KIT: variants seen among roughly 807,000 people sequenced by gnomAD.
KIT encodes KIT proto-oncogene, receptor tyrosine kinase, also known as mast/stem cell growth factor receptor Kit.
A neutral mutation model predicts 105.7 loss-of-function variants in KIT; 16 were observed. The observed-to-expected ratio is 0.15, with a 90% CI of 0.10 to 0.23. KIT has a LOEUF of 0.23. Ranked by LOEUF, KIT falls within the 10% of genes least tolerant of loss-of-function variation. The pLI is 1.00. For synonymous variants in KIT, 438 were observed against 441.1 expected, an observed-to-expected ratio of 0.99 and a Z score of 0.09; for missense variants, 858 against 1,213.8, an observed-to-expected ratio of 0.71 and a Z score of 4.36.
intron 7 of KIT, among the ~76,000 whole-genome samples, chr4:54,710,795 C>T (rs1180932311): frequency 6.6e-6 from 1 of 152,176 alleles, no homozygotes; most frequent in Non-Finnish European, 1.5e-5. Flanking sequence ...CCTGCTTCAG[C>T]CTCCCAAAGT....
At chr4:54,710,567 CAG>C (rs1253601726) in intron 7 of KIT, among the ~76,000 whole-genome samples, 6 of 150,248 alleles carry the variant, frequency 4.0e-5, no homozygotes, top group African/African-American at 1.5e-4. Flanking sequence ...GTTTTTGAGA[CAG>C]AGTCTCTCAC....
At chr4:54,723,438 C>G (rs1299182416) in intron 7 of KIT, 146 bp from the exon 8 acceptor site, 1 of 692,376 alleles carries the variant, frequency 1.4e-6, no homozygotes. Context: ...ACCTTCCACT[C>G]CTTGGTTCAG....
intron 1 of KIT, among the ~76,000 whole-genome samples, chr4:54,671,374 G>A (rs560120413): frequency 3.7e-4 from 56 of 152,160 alleles, no homozygotes; most frequent in Non-Finnish European, 6.8e-4. Flanking sequence ...CTTGGAATAT[G>A]GGCAGGAAGG....
At position 54,695,608 on chromosome 4, in the gene KIT, G is replaced by A. The variant is rs1720008828; in HGVS notation, c.164G>A (p.Arg55Lys). ...DLIVRVGDEI[R>K]LLCTDPGFVK... ...ATAGTCCGCGTGGGCGACGAGATTA[G>A]GCTGTTATGCACTGATCCGGGCTTT... Residue 55 changes from arginine to lysine, a missense_variant, in exon 2 of 21, where the codon AGG (arginine) becomes AAG (lysine). By Grantham distance (26) the Arg-to-Lys change is conservative. Around this residue, in one of 7 missense-constraint regions of KIT, gnomAD observed 401 missense variants for 601.0 expected, o/e 0.67. Coordinates refer to ENST00000288135, the MANE Select transcript of KIT (RefSeq NM_000222.3). 2 of 1,614,224 alleles carry A rather than the reference G, an allele frequency of 1.2e-6. No homozygotes were observed. The highest frequency in any genetic ancestry group is 3.3e-5 in the Admixed American group (2 of 60,024).
intron 17 of KIT, among the ~76,000 whole-genome samples, chr4:54,735,366 C>CAAAAAAAAAAAA (rs60429188): frequency 1.2e-5 from 1 of 86,266 alleles, no homozygotes; most frequent in African/African-American, 3.4e-5. Flanking sequence ...ACTTTAACAC[C>CAAAAAAAAAAAA]AAAAAAAAAA....
intron 1 of KIT, among the ~76,000 whole-genome samples, chr4:54,672,021 A>G (rs1393282955): frequency 1.3e-5 from 2 of 152,218 alleles, no homozygotes; most frequent in African/African-American, 4.8e-5. Flanking sequence ...ATATAATTAC[A>G]TAATGTCATT....
intron 2 of KIT, 163 bp downstream of exon 2, chr4:54,695,944 A>C (rs1379779180): frequency 1.3e-6 from 1 of 788,912 alleles, no homozygotes; most frequent in Non-Finnish European, 2.0e-6. Context: ...ATCTTTTGAT[A>C]TGATACATAG....
At chr4:54,732,199 T>C (rs146038584) in intron 16 of KIT, among the ~76,000 whole-genome samples, 1 of 152,202 alleles carries the variant, frequency 6.6e-6, no homozygotes, top group East Asian at 1.9e-4. Context: ...TGTTCTAATT[T>C]ATAAGCTGTA....
intron 1 of KIT, among the ~76,000 whole-genome samples, chr4:54,690,063 G>GGGT (rs1560389414): frequency 7.2e-6 from 1 of 139,064 alleles, no homozygotes; most frequent in Admixed American, 7.5e-5. Context: ...TTTTGTGGGG[G>GGGT]GGGGGGGCTG....
At chr4:54,677,691 A>G (rs890227183) in intron 1 of KIT, among the ~76,000 whole-genome samples, 2 of 152,150 alleles carry the variant, frequency 1.3e-5, no homozygotes, top group Non-Finnish European at 2.9e-5. Flanking sequence ...CTTTTAGTCA[A>G]TTTACTTTGG....
Position 54,725,906 on chromosome 4 carries a change from G to A in KIT, c.1396G>A (p.Gly466Arg), listed in dbSNP as rs1282859149. ...GGATGTGCAGACACTAAACTCATCT[G>A]GGCCACCGTTTGGAAAGCTAGTGGT... ...PVDVQTLNSS[G>R]PPFGKLVVQS... Residue 466 changes from glycine to arginine, a missense_variant, in exon 9 of 21, where the codon GGG (glycine) becomes AGG (arginine). Coordinates refer to ENST00000288135, the MANE Select transcript of KIT (RefSeq NM_000222.3). 4 of 1,613,948 alleles carry A rather than the reference G, an allele frequency of 2.5e-6. No individual in the cohort carries two copies. In the African/African-American group the frequency reaches 5.3e-5, roughly 22 times the overall value.
At chr4:54,706,562 G>A (rs1446488027) in intron 5 of KIT, among the ~76,000 whole-genome samples, 1 of 151,980 alleles carries the variant, frequency 6.6e-6, no homozygotes, top group Non-Finnish European at 1.5e-5. Context: ...AATTTCATAG[G>A]AGTCAATTGT....
rs1417993831 is a variant in KIT at position 54,725,948 on chromosome 4, T to G, written c.1438T>G (p.Ser480Ala). Residue 480 changes from serine (S) to alanine (A), a missense_variant, in exon 9 of 21, where the codon TCT becomes GCT. Ser to Ala is a moderately conservative substitution (Grantham distance 99, BLOSUM62 1). This residue lies in a region of KIT where 401 missense variants were observed against 601.0 expected (regional missense o/e 0.67). Transcript: ENST00000288135. ...GCTAGTGGTTCAGAGTTCTATAGATTCTAGTGCATTCAAGCACAATGGCAC... is the reference window on the plus strand; with the variant it reads ...GCTAGTGGTTCAGAGTTCTATAGATGCTAGTGCATTCAAGCACAATGGCAC... ...GKLVVQSSIDSSAFKHNGTVE... is the reference protein window; with the variant it reads ...GKLVVQSSIDASAFKHNGTVE... The G allele has an allele frequency of 1.2e-6, 2 of 1,614,020 alleles. No homozygotes were observed. The highest frequency in any genetic ancestry group is 1.7e-6 in the Non-Finnish European group (2 of 1,180,008).
chr4:54,703,908 G>T lies in KIT; in HGVS notation c.925+16G>T. On this transcript the variant is annotated intron_variant, in intron 5 of 20. Coordinates refer to ENST00000288135, the MANE Select transcript of KIT (RefSeq NM_000222.3). Reference sequence around the variant, plus strand: ...GAAGTAGTAGGTAAATACCTCTATGGGAATGTTTAAATTACTGGCAGTAGT... The same window carrying T: ...GAAGTAGTAGGTAAATACCTCTATGTGAATGTTTAAATTACTGGCAGTAGT... The T allele has an allele frequency of 6.3e-7, 1 of 1,596,928 alleles. No homozygotes were observed. The highest frequency in any genetic ancestry group is 8.6e-7 in the Non-Finnish European group (1 of 1,164,410).
chr4:54,706,341 T>C (rs1720789035), intron 5 of KIT, among the ~76,000 whole-genome samples: 1 of 152,176 alleles, frequency 6.6e-6, no homozygotes, highest in South Asian at 2.1e-4. Flanking sequence ...TAGTTAAAAT[T>C]AGTTTTGCTA....
In KIT at chr4:54,716,067, G is replaced by A. The variant is rs17084685; in HGVS notation, c.1231+6528G>A. On this transcript the variant is annotated intron_variant, in intron 7 of 20. Coordinates refer to ENST00000288135, the MANE Select transcript of KIT (RefSeq NM_000222.3). ...ATAGTAGGACCTTTCAAACACATGC[G>A]CGTCCAAACCATACTTGTGTTAGAG... Among the ~76,000 whole-genome samples the A allele has an allele frequency of 3.5e-3, 530 of 152,146 alleles. 3 individuals carry two copies. Among genetic ancestry groups the A allele is most frequent in the African/African-American group, 0.011 (455 of 41,506 alleles).
chr4:54,705,701 G>A (rs1720741835), intron 5 of KIT, among the ~76,000 whole-genome samples: 1 of 151,950 alleles, frequency 6.6e-6, no homozygotes, highest in African/African-American at 2.4e-5. Flanking sequence ...TGAGCAACAT[G>A]GTGAAACCCC....
intron 4 of KIT, among the ~76,000 whole-genome samples, chr4:54,700,328 C>T (rs1322126853): frequency 6.6e-6 from 1 of 152,154 alleles, no homozygotes; most frequent in Non-Finnish European, 1.5e-5. Context: ...TTGTTTTAGT[C>T]ACTATTAATA....
chr4:54,723,871 CA>C (rs750253349), intron 8 of KIT, among the ~76,000 whole-genome samples, 173 bp downstream of exon 8: 3 of 151,968 alleles, frequency 2.0e-5, no homozygotes, highest in Non-Finnish European at 4.4e-5. Flanking sequence ...TCTTGGTAGA[CA>C]TTAATTTTGT....
Sources: gnomAD v4.1 joint callset for allele counts (sites outside exome capture counted in the v4.1 genomes callset) on GRCh38, gnomAD v4.1.1 for gene constraint, gnomAD v4.1.1 regional missense constraint, MANE v1.5 for transcripts, NCBI Gene and HGNC (gene_info 2026-07-23, HGNC 2026-07-21) for gene names.